RHOU: variants seen among roughly 807,000 people sequenced by gnomAD.
RHOU encodes the protein rho-related GTP-binding protein RhoU.
Under a neutral mutation model 12.6 loss-of-function variants are expected in RHOU, and 8 were observed. The ratio of observed to expected loss-of-function variants is 0.64; its 90% CI spans 0.37 to 1.15. The LOEUF (loss-of-function observed/expected upper bound fraction) is 1.15. Ranked by LOEUF, RHOU falls within the 50% of genes most tolerant of loss-of-function variation. The pLI, the probability that RHOU is intolerant of heterozygous loss-of-function variation, is 0.01. For missense variants in RHOU, 258 were observed against 347.0 expected (o/e 0.74, Z 2.04); for synonymous variants, 161 against 147.4 (o/e 1.09, Z -0.67).
chr1:228,698,123 G>A, the RHOU span, among the ~76,000 whole-genome samples: 2 of 152,060 alleles, frequency 1.3e-5, no homozygotes, highest in African/African-American at 2.4e-5. Context: ...ATTTCTTTGA[G>A]GTTTTTGTCA....
chr1:228,701,745 A>T, the RHOU span, among the ~76,000 whole-genome samples: 22 of 151,834 alleles, frequency 1.4e-4, no homozygotes, highest in African/African-American at 5.1e-4. Flanking sequence ...ATAATATTTA[A>T]GTAACTTCTA....
chr1:228,713,008 T>C, the RHOU span, among the ~76,000 whole-genome samples: 2 of 152,048 alleles, frequency 1.3e-5, no homozygotes, highest in Non-Finnish European at 2.9e-5. Flanking sequence ...CTTCCTTTTT[T>C]TTTTAACCAG....
chr1:228,680,821 C>A, the RHOU span, among the ~76,000 whole-genome samples: 2 of 152,134 alleles, frequency 1.3e-5, no homozygotes, highest in African/African-American at 4.8e-5. Context: ...TAATTAACAG[C>A]TTTGTGAGCT....
chr1:228,732,725 G>A (rs1558084131), upstream of RHOU, among the ~76,000 whole-genome samples: 1 of 152,260 alleles, frequency 6.6e-6, no homozygotes, highest in Middle Eastern at 3.4e-3. Context: ...AAAGCAAGAG[G>A]GGGACGCACA....
chr1:228,684,580 C>T, the RHOU span, among the ~76,000 whole-genome samples: 97 of 152,284 alleles, frequency 6.4e-4, no homozygotes, highest in Non-Finnish European at 1.2e-3. Flanking sequence ...CCACGTGTCT[C>T]GGCCTAAGTA....
At chr1:228,712,661 AG>A in the RHOU span, among the ~76,000 whole-genome samples, 1 of 94,804 alleles carries the variant, frequency 1.1e-5, no homozygotes, top group Non-Finnish European at 1.9e-5. Context: ...GGACTGTTGT[AG>A]GGTGGGGGGA....
chr1:228,701,722 C>T, the RHOU span, among the ~76,000 whole-genome samples: 2 of 151,482 alleles, frequency 1.3e-5, no homozygotes, highest in Non-Finnish European at 3.0e-5. Context: ...TTTTAAAATT[C>T]TTTTATCGTA....
At chr1:228,658,416 G>C in the RHOU span, among the ~76,000 whole-genome samples, 1 of 151,934 alleles carries the variant, frequency 6.6e-6, no homozygotes, top group African/African-American at 2.4e-5. Context: ...ATTCACTCCT[G>C]TCTCCTCCAC....
the RHOU span, among the ~76,000 whole-genome samples, chr1:228,656,774 G>A: frequency 6.6e-6 from 1 of 151,932 alleles, no homozygotes; most frequent in Non-Finnish European, 1.5e-5. Context: ...AAAATGAGGG[G>A]AAAAACTATA....
the RHOU span, among the ~76,000 whole-genome samples, chr1:228,648,860 CTT>C: frequency 1.5e-5 from 1 of 68,158 alleles, no homozygotes; most frequent in African/African-American, 4.3e-5. Context: ...TCCTCTCTCT[CTT>C]TCTTTCTTTC....
upstream of RHOU, among the ~76,000 whole-genome samples, chr1:228,732,829 A>T (rs140633581): frequency 3.9e-3 from 594 of 152,360 alleles, 7 homozygotes; most frequent in African/African-American, 0.014. Flanking sequence ...CATTAAGAAA[A>T]AAAAATACAA....
chr1:228,646,804 GC>G, the RHOU span, among the ~76,000 whole-genome samples: 4 of 151,584 alleles, frequency 2.6e-5, no homozygotes, highest in Non-Finnish European at 5.9e-5. Flanking sequence ...GCAGACGCAC[GC>G]ACACACACAC....
chr1:228,694,689 A>C, the RHOU span, among the ~76,000 whole-genome samples: 1 of 152,210 alleles, frequency 6.6e-6, no homozygotes, highest in African/African-American at 2.4e-5. Context: ...TCTATGGTAC[A>C]TATGTACCAC....
the RHOU span, chr1:228,647,897 C>T: frequency 6.6e-6 from 1 of 152,272 alleles, no homozygotes; most frequent in African/African-American, 2.4e-5. Flanking sequence ...GAGGGAGGAA[C>T]TTGAAGTCTA....
chr1:228,720,291 A>G, the RHOU span, among the ~76,000 whole-genome samples: 2,950 of 152,330 alleles, frequency 0.019, 104 homozygotes, highest in African/African-American at 0.067. Context: ...TTTTCCATAC[A>G]TAATACATAC....
the RHOU span, among the ~76,000 whole-genome samples, chr1:228,701,622 C>G: frequency 6.6e-6 from 1 of 151,992 alleles, no homozygotes; most frequent in Non-Finnish European, 1.5e-5. Flanking sequence ...TTTGACCATG[C>G]AGATTTCATA....
chr1:228,658,276 G>T, the RHOU span, among the ~76,000 whole-genome samples: 3 of 117,624 alleles, frequency 2.6e-5, no homozygotes, highest in Admixed American at 3.2e-4. Flanking sequence ...AATAGAATGA[G>T]ACCCTGTCTC....
chr1:228,702,875 TC>T, the RHOU span, among the ~76,000 whole-genome samples: 1 of 152,226 alleles, frequency 6.6e-6, no homozygotes, highest in Non-Finnish European at 1.5e-5. Context: ...GTTTTTCTTT[TC>T]CCCATTCATA....
rs1445818005 is a variant in RHOU, at chr1:228,745,659, T to G, written c.*1919T>G. 1.3e-5 allele frequency: 2 copies of G among 152,184 alleles called. No individual in the cohort carries two copies. The highest frequency in any genetic ancestry group is 4.8e-5 in the African/African-American group (2 of 41,438). 9.4% of individuals were successfully genotyped at this position (152,184 alleles called of 1,614,324 possible). A position where few individuals can be genotyped will look rare whatever the true frequency, so the allele number is the denominator to read the frequency against. ...GTTACAACCTGAAGGAATAAAATGA[T>G]TTGTGGAAATGCTTAAAATAGACCT... On this transcript the variant is annotated 3_prime_UTR_variant, in exon 3 of 3. Coordinates refer to ENST00000366691, the MANE Select transcript of RHOU (RefSeq NM_021205.6).
Sources: allele counts gnomAD v4.1 joint callset (sites outside exome capture counted in the v4.1 genomes callset), GRCh38; gene constraint gnomAD v4.1.1; transcripts MANE v1.5; gene names NCBI Gene and HGNC (gene_info 2026-07-23, HGNC 2026-07-21).